TIPIN: variants seen among roughly 807,000 people sequenced by gnomAD.
TIPIN encodes TIMELESS-interacting protein.
In TIPIN, 29 loss-of-function variants were observed where a neutral mutation model predicts 35.6. The observed-to-expected ratio is 0.82, with a 90% confidence interval of 0.61 to 1.11. The LOEUF (loss-of-function observed/expected upper bound fraction) is 1.11, where lower values mean the gene tolerates loss of function less well. Among genes scored for constraint, TIPIN ranks in the 50% most tolerant of loss-of-function variants. The probability of loss-of-function intolerance (pLI) is 0.00; values close to 1 mark genes in which losing one functional copy is unlikely to be tolerated. For synonymous variants in TIPIN, 102 were observed against 121.5 expected (o/e 0.84, Z 1.06); for missense variants, 296 against 345.4 (o/e 0.86, Z 1.13).
At chr15:66,367,519 G>A (rs28394532) in intron 1 of TIPIN, among the ~76,000 whole-genome samples, 38,909 of 150,248 alleles carry the variant, frequency 0.26, 5,617 homozygotes, top group South Asian at 0.33. Flanking sequence ...CTCAGCCTCC[G>A]AAGTAGCTGG....
At chr15:66,348,223 C>T (rs954638196) in intron 6 of TIPIN, 2 of 151,880 alleles carry the variant, frequency 1.3e-5, no homozygotes, top group Non-Finnish European at 2.9e-5. Flanking sequence ...CCGGGCTGAT[C>T]TCCAACTCTA....
chr15:66,377,306 C>T (rs1037622839), intron 1 of TIPIN, among the ~76,000 whole-genome samples: 2 of 152,106 alleles, frequency 1.3e-5, no homozygotes, highest in African/African-American at 4.8e-5. Context: ...TGTATTAATA[C>T]TTTCCTTATG....
chr15:66,352,787 C>A, intron 2 of TIPIN, 28 bp downstream of exon 2: 1 of 1,576,174 alleles, frequency 6.3e-7, no homozygotes, highest in Non-Finnish European at 8.6e-7. Flanking sequence ...GGCCTCACAG[C>A]CTCCTTTTTA....
At chr15:66,349,772 C>G (rs2093154378) in intron 4 of TIPIN, among the ~76,000 whole-genome samples, 1 of 152,078 alleles carries the variant, frequency 6.6e-6, no homozygotes, top group African/African-American at 2.4e-5. Context: ...CCCAGCTACT[C>G]AGGTGGCTGA....
intron 6 of TIPIN, among the ~76,000 whole-genome samples, chr15:66,344,746 G>A (rs906813318): frequency 2.6e-5 from 4 of 151,566 alleles, no homozygotes; most frequent in African/African-American, 4.8e-5. Context: ...GTGCATGCCT[G>A]TAATCCAAAC....
intron 6 of TIPIN, among the ~76,000 whole-genome samples, chr15:66,341,908 G>A (rs150174760): frequency 6.6e-6 from 1 of 152,064 alleles, no homozygotes; most frequent in Non-Finnish European, 1.5e-5. Flanking sequence ...CATGAAGGCC[G>A]GGCGCGGTGG....
upstream of TIPIN, among the ~76,000 whole-genome samples, chr15:66,358,975 C>G (rs2093219121): frequency 6.6e-6 from 1 of 150,846 alleles, no homozygotes; most frequent in Non-Finnish European, 1.5e-5. Flanking sequence ...ACCCAGGAGG[C>G]AGAGATTGCA....
chr15:66,359,344 AT>A (rs2093221495), upstream of TIPIN, among the ~76,000 whole-genome samples: 2 of 152,010 alleles, frequency 1.3e-5, no homozygotes, highest in African/African-American at 4.8e-5. Flanking sequence ...ATTAACATAA[AT>A]TTAGTTTTTT....
intron 1 of TIPIN, among the ~76,000 whole-genome samples, chr15:66,366,561 G>A (rs1331380482): frequency 2.1e-5 from 3 of 144,864 alleles, no homozygotes; most frequent in Non-Finnish European, 3.0e-5. Context: ...AGATTATCCT[G>A]GCTAACACAG....
At chr15:66,362,094 A>G (rs2093234027) in intron 1 of TIPIN, among the ~76,000 whole-genome samples, 1 of 152,082 alleles carries the variant, frequency 6.6e-6, no homozygotes, top group Admixed American at 6.6e-5. Context: ...ACCTGAGGTC[A>G]GGAGTTCAAG....
Position 66,351,502 on chromosome 15 carries a change from CTAACA to C in TIPIN, c.288+18_288+22del, listed in dbSNP as rs756171334. On this transcript the variant is annotated intron_variant, in intron 4 of 7. Transcript: ENST00000261881. The stretch of plus-strand genomic sequence containing the variant: ...TATTGCTATTTTAAAAAACAAAGGT[CTAACA>C]TAAAAATCAGTTCTTACCTCATGAC... 8 of 1,578,234 alleles carry C rather than the reference CTAACA, an allele frequency of 5.1e-6. No homozygotes were observed. In the Admixed American group the frequency reaches 1.4e-4, roughly 27 times the overall value.
In TIPIN at chr15:66,352,224, C is replaced by T. The variant is rs1441899030; in HGVS notation, c.134-17G>A. The stretch of plus-strand genomic sequence containing the variant: ...TTCCTGACTCTGGTGAAACAAACCA[C>T]GATTCAGTATTACTGTACTTAAATG... On this transcript the variant is annotated splice_polypyrimidine_tract_variant and intron_variant, in intron 2 of 7. Transcript: ENST00000261881. 4.5e-6 allele frequency: 7 copies of T among 1,540,520 alleles called. No homozygotes were observed. The Admixed American group carries it at 7.4e-5, about 16-fold the overall frequency.
chr15:66,336,249 T>C lies in TIPIN; in HGVS notation c.*709A>G, dbSNP rs1376852085. 2.6e-5 allele frequency: 4 copies of C among 152,308 alleles called. No individual in the cohort carries two copies. The highest frequency in any genetic ancestry group is 9.7e-5 in the African/African-American group (4 of 41,450). The allele number at this position is 152,308 out of a possible 1,614,324, so 9.4% of individuals were successfully genotyped here. A position where few individuals can be genotyped will look rare whatever the true frequency, so the allele number is the denominator to read the frequency against. On this transcript the variant is annotated 3_prime_UTR_variant, in exon 8 of 8. Transcript: ENST00000261881. ...AATTGACATTAATATTCAGTATATA[T>C]GTACATCTCAAAACTTCACCCAGGC...
chr15:66,379,994 CTTTCTTTCT>C, intron 1 of TIPIN: 1 of 422,344 alleles, frequency 2.4e-6, no homozygotes, highest in Non-Finnish European at 4.1e-6. Context: ...TCTTTTCTTT[CTTTCTTTCT>C]TTTTTTTTTT....
intron 1 of TIPIN, among the ~76,000 whole-genome samples, chr15:66,375,528 T>TATATA (rs1566986565): frequency 2.9e-5 from 4 of 139,112 alleles, no homozygotes; most frequent in East Asian, 2.2e-4. Flanking sequence ...TATATATATA[T>TATATA]TTCAAAAGCC....
At chr15:66,350,209 C>G (rs985704892) in intron 4 of TIPIN, among the ~76,000 whole-genome samples, 2 of 151,832 alleles carry the variant, frequency 1.3e-5, no homozygotes, top group Non-Finnish European at 2.9e-5. Context: ...AGTGATCCGC[C>G]CACCCTGGCC....
At chr15:66,344,777 C>G (rs368722067) in intron 6 of TIPIN, among the ~76,000 whole-genome samples, 7 of 151,718 alleles carry the variant, frequency 4.6e-5, no homozygotes, top group Admixed American at 2.0e-4. Context: ...ACTGAGGTGG[C>G]AGGATTGCTT....
chr15:66,360,685 G>C (rs1332276323), upstream of TIPIN, among the ~76,000 whole-genome samples: 1 of 151,962 alleles, frequency 6.6e-6, no homozygotes, highest in Non-Finnish European at 1.5e-5. Context: ...CAAAAATTAG[G>C]CCTGATGCAG....
rs757848258 is a variant in TIPIN at position 66,366,597 on chromosome 15, C to CAAAA, written c.-8-13646_-8-13643dup. Among the ~76,000 whole-genome samples, 65 of 92,218 alleles carry CAAAA rather than the reference C, an allele frequency of 7.0e-4. 2 individuals are homozygous for CAAAA. In the East Asian group the frequency reaches 0.01, roughly 14 times the overall value. 60.5% of individuals were successfully genotyped at this position (92,218 alleles called of 152,430 possible). A position where few individuals can be genotyped will look rare whatever the true frequency, so the allele number is the denominator to read the frequency against. On this transcript the variant is annotated intron_variant, in intron 1 of 7. Coordinates refer to the TIPIN transcript ENST00000562124. ...TGAAACCTTGTCTCTACTAAATATACAAAAAAAAAAAAAAAAAAAATTAGC... is the reference window on the plus strand; with the variant it reads ...TGAAACCTTGTCTCTACTAAATATACAAAAAAAAAAAAAAAAAAAAAAAATTAGC...
Sources: allele counts gnomAD v4.1 joint callset (sites outside exome capture counted in the v4.1 genomes callset), GRCh38; gene constraint gnomAD v4.1.1; transcripts MANE v1.5; gene names NCBI Gene and HGNC (gene_info 2026-07-23, HGNC 2026-07-21).